CASP9: variants seen among roughly 807,000 people sequenced by gnomAD.
CASP9 encodes caspase 9, also known as caspase-9.
CASP9 carries 29 observed loss-of-function variants against 43.5 expected under a neutral mutation model. That is an observed-to-expected ratio of 0.67 (90% CI 0.50 to 0.91). The LOEUF (loss-of-function observed/expected upper bound fraction) is 0.91, where lower values mean the gene tolerates loss of function less well. Among genes scored for constraint, CASP9 ranks in the 40% least tolerant of loss-of-function variants. The pLI, the probability that CASP9 is intolerant of heterozygous loss-of-function variation, is 0.00. For missense variants in CASP9, 575 were observed against 537.4 expected (o/e 1.07, Z -0.69); for synonymous variants, 206 against 211.9 (o/e 0.97, Z 0.24).
chr1:15,498,926 A>G (rs1179885774), intron 6 of CASP9, among the ~76,000 whole-genome samples: 1 of 151,604 alleles, frequency 6.6e-6, no homozygotes, highest in Admixed American at 6.6e-5. Flanking sequence ...ATTTGTAGAG[A>G]TGGGGCTTCA....
chr1:15,514,977 C>A (rs1317529604), intron 2 of CASP9, among the ~76,000 whole-genome samples: 1 of 152,024 alleles, frequency 6.6e-6, no homozygotes, highest in East Asian at 1.9e-4. Flanking sequence ...CGCACTCCAC[C>A]CTGGGTGACA....
chr1:15,503,179 G>C (rs1418041906), intron 6 of CASP9, among the ~76,000 whole-genome samples: 1 of 152,034 alleles, frequency 6.6e-6, no homozygotes, highest in East Asian at 1.9e-4. Flanking sequence ...TTGAACCCAG[G>C]AGTTCAAGAC....
intron 2 of CASP9, among the ~76,000 whole-genome samples, chr1:15,511,619 G>C (rs557506402): frequency 3.5e-4 from 54 of 152,268 alleles, no homozygotes; most frequent in African/African-American, 1.3e-3. Flanking sequence ...GGCCAGGCTG[G>C]TCTCAAACTA....
upstream of CASP9, chr1:15,524,887 C>A: frequency 6.0e-6 from 3 of 499,236 alleles, no homozygotes; most frequent in Non-Finnish European, 7.7e-6. Flanking sequence ...ATCCATTCCG[C>A]GCCACCGCCC....
chr1:15,520,179 A>G (rs1710124990), intron 1 of CASP9, among the ~76,000 whole-genome samples: 1 of 152,114 alleles, frequency 6.6e-6, no homozygotes, highest in African/African-American at 2.4e-5. Flanking sequence ...GTCTATGAGA[A>G]CCTTCCGTGA....
chr1:15,522,641 G>C (rs1710249538), intron 1 of CASP9, among the ~76,000 whole-genome samples: 1 of 152,204 alleles, frequency 6.6e-6, no homozygotes, highest in African/African-American at 2.4e-5. Context: ...CTTAAGCCCA[G>C]GAGGTCAAGG....
rs57792149 is a variant in CASP9, at chr1:15,504,244, C to T, written c.868+367G>A. 2.7e-3 allele frequency among the ~76,000 whole-genome samples: 416 copies of T among 152,318 alleles called. 3 individuals carry two copies. The highest frequency in any genetic ancestry group is 9.2e-3 in the African/African-American group (384 of 41,564). ...TGCAGTTTAGCTGTGGCCACCCTTT[C>T]TCTGGGATAGTGGAAACGGGGTCTA... is the stretch of plus-strand genomic sequence containing the variant. On this transcript the variant is annotated intron_variant, in intron 6 of 8. Coordinates refer to ENST00000333868, the MANE Select transcript of CASP9 (RefSeq NM_001229.5).
chr1:15,498,594 C>T lies in CASP9; in HGVS notation c.869-3142G>A, dbSNP rs1308372576. ...ACTATATCATAGGCACTCACTCAAA[C>T]CCTTTACTCAGGCTGTCAAGATCAC... On this transcript the variant is annotated intron_variant, in intron 6 of 8. Transcript: ENST00000333868. Among the ~76,000 whole-genome samples, 5 of 152,054 alleles carry T rather than the reference C, an allele frequency of 3.3e-5. No individual in the cohort carries two copies. The East Asian group carries it at 7.7e-4, about 23-fold the overall frequency.
At position 15,522,553 on chromosome 1, in the gene CASP9, A is replaced by T. The variant is rs867412696; in HGVS notation, c.132+1516T>A. Among the ~76,000 whole-genome samples, 11 of 152,298 alleles carry T rather than the reference A, an allele frequency of 7.2e-5. No homozygotes were observed. In the Middle Eastern group the frequency reaches 0.01, roughly 141 times the overall value. ...CAAGACTCCTATCTGTACAAAAAAA[A>T]AATTTTTTTTAATTAGCCAGGCATG... is the stretch of plus-strand genomic sequence containing the variant. On this transcript the variant is annotated intron_variant, in intron 1 of 8. Coordinates refer to ENST00000333868, the MANE Select transcript of CASP9 (RefSeq NM_001229.5).
In CASP9 at chr1:15,491,491, C is replaced by A; in HGVS notation, c.*1452G>T. On this transcript the variant is annotated 3_prime_UTR_variant, in exon 9 of 9. Coordinates refer to ENST00000333868, the MANE Select transcript of CASP9 (RefSeq NM_001229.5). ...ACCAGAAATAGGTCAGGCGCAATGG[C>A]TCAAGCCTGTAACCCCTGCACTTTG... 2 of 805,502 alleles carry A rather than the reference C, an allele frequency of 2.5e-6. No individual in the cohort carries two copies. Among genetic ancestry groups the A allele is most frequent in the Non-Finnish European group, 3.9e-6 (2 of 513,220 alleles). 49.9% of individuals were successfully genotyped at this position (805,502 alleles called of 1,614,324 possible).
intron 1 of CASP9, among the ~76,000 whole-genome samples, chr1:15,521,248 C>T (rs965141468): frequency 3.5e-5 from 5 of 144,166 alleles, no homozygotes; most frequent in East Asian, 2.0e-4. Flanking sequence ...CCAGCCTGGG[C>T]GAAAAAGTGG....
intron 1 of CASP9, among the ~76,000 whole-genome samples, chr1:15,522,151 G>A (rs750704438): frequency 1.3e-5 from 2 of 152,016 alleles, no homozygotes; most frequent in African/African-American, 2.4e-5. Context: ...AACTTTTTAG[G>A]GTAAAAAATT....
chr1:15,499,089 C>A (rs2103334713), intron 6 of CASP9, among the ~76,000 whole-genome samples: 1 of 152,290 alleles, frequency 6.6e-6, no homozygotes, highest in South Asian at 2.1e-4. Context: ...CGCAGGCCAC[C>A]TCTAGCAAGT....
chr1:15,522,160 T>C (rs1262657939), intron 1 of CASP9, among the ~76,000 whole-genome samples: 2 of 152,214 alleles, frequency 1.3e-5, no homozygotes, highest in Non-Finnish European at 2.9e-5. Flanking sequence ...GGGTAAAAAA[T>C]TTCAGGGAAA....
chr1:15,508,038 A>G lies in CASP9; in HGVS notation c.419-131T>C, dbSNP rs896037021. On this transcript the variant is annotated intron_variant, in intron 2 of 8. Transcript: ENST00000333868. The stretch of plus-strand genomic sequence containing the variant: ...GACCCTCAGACTCTGCTGGTGGGAG[A>G]GCCACCTTGGAGATCTGTTTAGAGG... 4.7e-6 allele frequency: 4 copies of G among 846,568 alleles called. No homozygotes were observed. In the Admixed American group the frequency reaches 9.1e-5, roughly 19 times the overall value. The allele number at this position is 846,568 out of a possible 1,614,324, so 52.4% of individuals were successfully genotyped here. A position where few individuals can be genotyped will look rare whatever the true frequency, so the allele number is the denominator to read the frequency against.
Position 15,524,081 on chromosome 1 carries a change from G to C in CASP9, c.120C>G (p.Ile40Met). ...GCCGGGGGCGCACCTGGATGTCCTCGATCATATGGGGCCTGAACAGCTCGC... is the reference window on the plus strand; with the variant it reads ...GCCGGGGGCGCACCTGGATGTCCTCCATCATATGGGGCCTGAACAGCTCGC... ...LSRELFRPHM[I>M]EDIQRAGSGS... The change falls in exon 1 of 9, where the codon ATC becomes ATG. Residue 40 changes from isoleucine to methionine, a missense_variant. Transcript: ENST00000333868. The C allele has an allele frequency of 6.6e-7, 1 of 1,514,598 alleles. No homozygotes were observed. The highest frequency in any genetic ancestry group is 8.8e-7 in the Non-Finnish European group (1 of 1,135,066). The allele number at this position is 1,514,598 out of a possible 1,614,324, so 93.8% of individuals were successfully genotyped here.
At chr1:15,524,338 G>T, upstream of CASP9, 1 of 1,340,190 alleles carries the variant, frequency 7.5e-7, no homozygotes, top group Non-Finnish European at 9.4e-7. Context: ...GCTCCCCACC[G>T]CCTCCGGACG....
intron 1 of CASP9, among the ~76,000 whole-genome samples, chr1:15,523,044 C>A (rs1710270731): frequency 6.6e-6 from 1 of 152,240 alleles, no homozygotes; most frequent in African/African-American, 2.4e-5. Flanking sequence ...ACCTACTGCA[C>A]CTCATGGTAG....
chr1:15,496,908 G>A (rs778451935), intron 6 of CASP9, among the ~76,000 whole-genome samples: 3 of 151,926 alleles, frequency 2.0e-5, no homozygotes, highest in African/African-American at 4.8e-5. Flanking sequence ...CCAGCTACTC[G>A]TGAGGCTGAG....
Sources: allele counts gnomAD v4.1 joint callset (sites outside exome capture counted in the v4.1 genomes callset), GRCh38; gene constraint gnomAD v4.1.1; transcripts MANE v1.5; gene names NCBI Gene and HGNC (gene_info 2026-07-23, HGNC 2026-07-21).